Variants in NRG1 observed in about 807,000 individuals in gnomAD.
The protein encoded by NRG1 is neuregulin 1, also known as pro-neuregulin-1, membrane-bound isoform.
In NRG1, 18 loss-of-function variants were observed where a neutral mutation model predicts 63.8. The ratio of observed to expected loss-of-function variants is 0.28; its 90% confidence interval spans 0.19 to 0.42. The LOEUF is 0.42. NRG1 is among the 10% of genes least tolerant of loss of function. The probability of loss-of-function intolerance (pLI) is 1.00; values close to 1 mark genes in which losing one functional copy is unlikely to be tolerated. For synonymous variants in NRG1, 302 were observed against 301.3 expected, an observed-to-expected ratio of 1.00 and a Z score of -0.02; for missense variants, 762 against 814.7, an observed-to-expected ratio of 0.94 and a Z score of 0.79.
intron 1 of NRG1, among the ~76,000 whole-genome samples, chr8:32,131,393 C>T (rs189883671): frequency 4.1e-4 from 63 of 152,078 alleles, no homozygotes; most frequent in Middle Eastern, 3.4e-3. Context: ...ACTTTACCTT[C>T]TTTAAACTGC....
At chr8:32,672,271 C>G (rs1805887600) in intron 5 of NRG1, among the ~76,000 whole-genome samples, 1 of 152,172 alleles carries the variant, frequency 6.6e-6, no homozygotes, top group Non-Finnish European at 1.5e-5. Flanking sequence ...GTCTCGAACT[C>G]CTGACCTTGT....
At chr8:32,291,097 A>G (rs1179375192) in intron 1 of NRG1, among the ~76,000 whole-genome samples, 1 of 152,218 alleles carries the variant, frequency 6.6e-6, no homozygotes, top group Non-Finnish European at 1.5e-5. Flanking sequence ...CCCAGTTTGA[A>G]TACAATCAGG....
chr8:32,150,452 G>A (rs915708639), intron 1 of NRG1, among the ~76,000 whole-genome samples: 12 of 152,082 alleles, frequency 7.9e-5, no homozygotes, highest in Non-Finnish European at 1.8e-4. Context: ...TGCATGAATG[G>A]GTTCATGCTC....
chr8:32,116,800 A>G lies in NRG1; in HGVS notation c.37+477369A>G, dbSNP rs560133689. ...ACTTCATCAAACTTAATGGAACCATATTTTGTAATTCATTCTATAATTTAA... is the reference window on the plus strand; with the variant it reads ...ACTTCATCAAACTTAATGGAACCATGTTTTGTAATTCATTCTATAATTTAA... On this transcript the variant is annotated intron_variant, in intron 1 of 10. Coordinates refer to the NRG1 transcript ENST00000519301. Among the ~76,000 whole-genome samples the G allele has an allele frequency of 2.0e-5, 3 of 152,154 alleles. No homozygotes were observed. In the East Asian group the frequency reaches 5.8e-4, roughly 29 times the overall value.
intron 1 of NRG1, among the ~76,000 whole-genome samples, chr8:31,918,629 T>C (rs1430056066): frequency 1.3e-5 from 2 of 152,184 alleles, no homozygotes; most frequent in Admixed American, 6.5e-5. Flanking sequence ...GATTTTTGCA[T>C]CAATGTTCAT....
intron 1 of NRG1, among the ~76,000 whole-genome samples, chr8:32,229,001 C>T (rs1846621309): frequency 1.3e-5 from 2 of 152,076 alleles, no homozygotes; most frequent in African/African-American, 4.8e-5. Context: ...TCTTTCTGCA[C>T]CAAGAAACAC....
rs1554661332 is a variant in NRG1, at chr8:32,745,675, G to GTGTGTGTGTGT, written c.691+2942_691+2943insTGTGTGTGTGT. ...GTTCATCGATATGTGGTGTGTGGGG[G>GTGTGTGTGTGT]GTGTGTGTGTGTTCGTGTGTGTGTC... On this transcript the variant is annotated intron_variant, in intron 7 of 11. Coordinates refer to ENST00000356819, the Ensembl canonical transcript of NRG1. Among the ~76,000 whole-genome samples the GTGTGTGTGTGT allele has an allele frequency of 2.3e-3, 349 of 151,296 alleles. 1 individual carries two copies. The highest frequency in any genetic ancestry group is 0.01 in the Middle Eastern group (3 of 290).
intron 1 of NRG1, among the ~76,000 whole-genome samples, chr8:31,897,851 C>T (rs1441723945): frequency 3.6e-5 from 4 of 110,932 alleles, no homozygotes; most frequent in African/African-American, 1.1e-4. Context: ...CCTATTTCTA[C>T]TAAAAATACA....
At chr8:32,736,757 T>G (rs1825168326) in intron 6 of NRG1, among the ~76,000 whole-genome samples, 1 of 151,978 alleles carries the variant, frequency 6.6e-6, no homozygotes. Flanking sequence ...TTGATGAAAA[T>G]GAAGCTGAGA....
chr8:32,048,589 A>C (rs941312500), intron 1 of NRG1, among the ~76,000 whole-genome samples: 13 of 151,312 alleles, frequency 8.6e-5, no homozygotes, highest in Middle Eastern at 3.4e-3. Flanking sequence ...CCCACCAGCA[A>C]TGCACAAGAG....
chr8:31,696,470 T>C (rs145739806), intron 1 of NRG1, among the ~76,000 whole-genome samples: 12 of 152,314 alleles, frequency 7.9e-5, no homozygotes, highest in African/African-American at 2.9e-4. Flanking sequence ...AAAAAAACTT[T>C]ACCCGGTGAT....
At chr8:32,296,023 G>A (rs10107217) in intron 1 of NRG1, among the ~76,000 whole-genome samples, 31,748 of 151,120 alleles carry the variant, frequency 0.21, 3,778 homozygotes, top group African/African-American at 0.33. Context: ...CCACTGCCAC[G>A]AGTACATGTA....
At chr8:32,382,101 C>T (rs111728180) in intron 1 of NRG1, among the ~76,000 whole-genome samples, 67 of 152,144 alleles carry the variant, frequency 4.4e-4, no homozygotes, top group African/African-American at 1.5e-3. Context: ...AGAAGCTTTC[C>T]ATGAATTATC....
At chr8:32,236,899 T>G (rs979180402) in intron 1 of NRG1, among the ~76,000 whole-genome samples, 2 of 152,080 alleles carry the variant, frequency 1.3e-5, no homozygotes, top group Non-Finnish European at 2.9e-5. Context: ...CCAACTGCTG[T>G]TTTTCATGTA....
chr8:32,455,758 G>T (rs892796727), intron 1 of NRG1, among the ~76,000 whole-genome samples: 1 of 152,078 alleles, frequency 6.6e-6, no homozygotes, highest in Non-Finnish European at 1.5e-5. Flanking sequence ...TAAACCTCTT[G>T]AAAGATCACA....
intron 1 of NRG1, among the ~76,000 whole-genome samples, chr8:31,692,690 A>C (rs1203793467): frequency 2.0e-5 from 3 of 152,202 alleles, no homozygotes; most frequent in African/African-American, 7.2e-5. Context: ...GACAGCCACT[A>C]TGCTTGAATA....
chr8:31,667,005 A>G (rs1257813081), intron 1 of NRG1, among the ~76,000 whole-genome samples: 1 of 152,210 alleles, frequency 6.6e-6, no homozygotes, highest in Non-Finnish European at 1.5e-5. Context: ...CAGATAAGGA[A>G]ACTGAGCCTT....
intron 1 of NRG1, among the ~76,000 whole-genome samples, chr8:32,417,167 G>A (rs1375224845): frequency 1.3e-5 from 2 of 152,114 alleles, no homozygotes; most frequent in East Asian, 1.9e-4. Flanking sequence ...AACCAGCACC[G>A]TTTTGAATAG....
At chr8:31,824,873 T>C (rs1824381922) in intron 1 of NRG1, among the ~76,000 whole-genome samples, 1 of 152,188 alleles carries the variant, frequency 6.6e-6, no homozygotes, top group Non-Finnish European at 1.5e-5. Context: ...AATCCACTTC[T>C]ACACCACATA....
Sources: gnomAD v4.1 joint callset for allele counts (sites outside exome capture counted in the v4.1 genomes callset) on GRCh38, gnomAD v4.1.1 for gene constraint, MANE v1.5 for transcripts, NCBI Gene and HGNC (gene_info 2026-07-23, HGNC 2026-07-21) for gene names.